The following FAM184B variants were observed in gnomAD, a reference collection of about 807,000 sequenced individuals.
FAM184B encodes the protein protein FAM184B.
In FAM184B, 111 loss-of-function variants were observed where a neutral mutation model predicts 135.9. The ratio of observed to expected loss-of-function variants is 0.82; its 90% CI spans 0.70 to 0.96. The LOEUF (loss-of-function observed/expected upper bound fraction) is 0.96. Ranked by LOEUF, FAM184B falls within the 40% of genes least tolerant of loss-of-function variation. FAM184B has a pLI of 0.00. For missense variants in FAM184B, 1,375 were observed against 1,323.9 expected, an observed-to-expected ratio of 1.04 and a Z score of -0.60; for synonymous variants, 552 against 524.8, an observed-to-expected ratio of 1.05 and a Z score of -0.71.
chr4:17,664,694 A>G, intron 7 of FAM184B, 35 bp from the exon 8 acceptor site: 2 of 1,372,322 alleles, frequency 1.5e-6, no homozygotes, highest in Non-Finnish European at 9.9e-7. Flanking sequence ...AAAAAAAAAA[A>G]GGCAAGATGA....
chr4:17,702,206 T>C (rs1267358842), intron 5 of FAM184B, among the ~76,000 whole-genome samples: 1 of 152,220 alleles, frequency 6.6e-6, no homozygotes, highest in Non-Finnish European at 1.5e-5. Context: ...CTTTTCTGCC[T>C]AAACGCCCAG....
Position 17,633,837 on chromosome 4 carries a change from C to T in FAM184B, c.2941G>A (p.Ala981Thr), listed in dbSNP as rs1433446644. 4 of 1,551,230 alleles carry T rather than the reference C, an allele frequency of 2.6e-6. No homozygotes were observed. Among genetic ancestry groups the T allele is most frequent in the South Asian group, 2.4e-5 (2 of 84,014 alleles). The change falls in exon 17 of 18, where the codon GCC becomes ACC. Residue 981 changes from alanine to threonine, a missense_variant. Coordinates refer to ENST00000265018, the MANE Select transcript of FAM184B (RefSeq NM_015688.2). ...PSRVVSVPNL[A>T]SYAKNFLSGD... ...CTCAGAAAGTTCTTTGCATAGGAGGCGAGGTTCGGCACGCTGACCACGCGG... is the reference window on the plus strand; with the variant it reads ...CTCAGAAAGTTCTTTGCATAGGAGGTGAGGTTCGGCACGCTGACCACGCGG...
Position 17,665,026 on chromosome 4 carries a change from C to G in FAM184B, c.1597-367G>C, listed in dbSNP as rs12509295. Among the ~76,000 whole-genome samples the G allele has an allele frequency of 9.3e-3, 1,411 of 152,298 alleles. 26 individuals are homozygous for G. The highest frequency in any genetic ancestry group is 0.032 in the African/African-American group (1,338 of 41,560). On this transcript the variant is annotated intron_variant, in intron 7 of 17. Transcript: ENST00000265018. ...GGATAATAGGACCCTGGGGACTGAA[C>G]TCTTGACCACTTCCTGGTATGGTTC...
In FAM184B at chr4:17,738,773, GCT is replaced by G. The variant is rs375309871; in HGVS notation, c.142-29131_142-29130del. Among the ~76,000 whole-genome samples, 26 of 152,220 alleles carry G rather than the reference GCT, an allele frequency of 1.7e-4. No individual in the cohort carries two copies. The East Asian group carries it at 2.9e-3, about 17-fold the overall frequency. On this transcript the variant is annotated intron_variant, in intron 1 of 17. Coordinates refer to ENST00000265018, the MANE Select transcript of FAM184B (RefSeq NM_015688.2). Reference sequence around the variant, plus strand: ...TGGGGGTGTTTGGGTCATGGGAGTGGCTCACTTATGAATGGATTAATACCCCA... The same window carrying G: ...TGGGGGTGTTTGGGTCATGGGAGTGGCACTTATGAATGGATTAATACCCCA...
chr4:17,771,179 C>T (rs1186356564), intron 1 of FAM184B, among the ~76,000 whole-genome samples: 1 of 152,146 alleles, frequency 6.6e-6, no homozygotes, highest in Non-Finnish European at 1.5e-5. Context: ...AGACCATTTT[C>T]CACAGCAGCT....
rs187581369 is a variant in FAM184B, at chr4:17,756,380, T to C, written c.141+24779A>G. 3.5e-3 allele frequency among the ~76,000 whole-genome samples: 538 copies of C among 152,316 alleles called. 3 individuals are homozygous for C. The highest frequency in any genetic ancestry group is 0.011 in the Admixed American group (161 of 15,292). On this transcript the variant is annotated intron_variant, in intron 1 of 17. Coordinates refer to ENST00000265018, the MANE Select transcript of FAM184B (RefSeq NM_015688.2). ...CAAAAAGAATAATAACTGCAATGGA[T>C]TGAAACATATGAAATATTATGTCAT...
chr4:17,730,125 C>G (rs184424851), intron 1 of FAM184B, among the ~76,000 whole-genome samples: 1 of 152,166 alleles, frequency 6.6e-6, no homozygotes, highest in African/African-American at 2.4e-5. Context: ...AATGCAGAAG[C>G]CCCAGGAGCC....
At chr4:17,641,892 T>G (rs905020753) in intron 13 of FAM184B, among the ~76,000 whole-genome samples, 164 bp downstream of exon 13, 6 of 151,948 alleles carry the variant, frequency 3.9e-5, no homozygotes, top group African/African-American at 1.4e-4. Flanking sequence ...AGGAGTAACA[T>G]CTGTGAAATG....
chr4:17,757,438 T>C (rs181273270), intron 1 of FAM184B, among the ~76,000 whole-genome samples: 23 of 152,280 alleles, frequency 1.5e-4, no homozygotes, highest in African/African-American at 5.1e-4. Context: ...AAAATTTGGG[T>C]TAAATATGAA....
intron 11 of FAM184B, 90 bp downstream of exon 11, chr4:17,652,740 C>A: frequency 6.9e-7 from 1 of 1,446,880 alleles, no homozygotes; most frequent in Non-Finnish European, 9.3e-7. Context: ...CCCGAGAACC[C>A]TGGAGCCCTG....
At chr4:17,689,734 C>A (rs1560177099) in intron 6 of FAM184B, among the ~76,000 whole-genome samples, 1 of 152,088 alleles carries the variant, frequency 6.6e-6, no homozygotes, top group African/African-American at 2.4e-5. Context: ...CCTCCCACCT[C>A]AGCCTCCCAA....
At position 17,764,617 on chromosome 4, in the gene FAM184B, G is replaced by A. The variant is rs897231300; in HGVS notation, c.141+16542C>T. ...TTCTTGTCCTCAAAAGTTTAACAGC[G>A]AAAAGTCCAACTCATTTTATTGAAT... On this transcript the variant is annotated intron_variant, in intron 1 of 17. Transcript: ENST00000265018. Among the ~76,000 whole-genome samples the A allele has an allele frequency of 2.0e-4, 31 of 152,298 alleles. No individual in the cohort carries two copies. In the East Asian group the frequency reaches 2.3e-3, roughly 11 times the overall value.
Position 17,718,409 on chromosome 4 carries a change from A to G in FAM184B, c.142-8765T>C, listed in dbSNP as rs149879802. On this transcript the variant is annotated intron_variant, in intron 1 of 17. Transcript: ENST00000265018. ...TTGCAGCATTTCCTATATGCCTGGC[A>G]TGATACTAGGCATGGGAAAAACAGA... is the stretch of plus-strand genomic sequence containing the variant. Among the ~76,000 whole-genome samples, 18 of 152,326 alleles carry G rather than the reference A, an allele frequency of 1.2e-4. No homozygotes were observed. In the East Asian group the frequency reaches 3.1e-3, roughly 26 times the overall value.
chr4:17,729,762 T>C (rs1717731901), intron 1 of FAM184B, among the ~76,000 whole-genome samples: 1 of 152,162 alleles, frequency 6.6e-6, no homozygotes, highest in Admixed American at 6.5e-5. Context: ...AAAACCCTTC[T>C]GTACGTCACC....
intron 7 of FAM184B, among the ~76,000 whole-genome samples, chr4:17,681,765 G>C (rs114023783): frequency 0.016 from 2,484 of 152,150 alleles, 79 homozygotes; most frequent in African/African-American, 0.057. Context: ...GCTTGCCTTG[G>C]GCTGCTTCCC....
Position 17,720,883 on chromosome 4 carries a change from T to TA in FAM184B, c.142-11240dup, listed in dbSNP as rs59409749. Among the ~76,000 whole-genome samples the TA allele has an allele frequency of 7.9e-3, 788 of 100,270 alleles. 6 individuals carry two copies. Among genetic ancestry groups the TA allele is most frequent in the African/African-American group, 0.027 (714 of 26,392 alleles). The allele number at this position is 100,270 out of a possible 152,430, so 65.8% of individuals were successfully genotyped here. Reference sequence around the variant, plus strand: ...CCTGGTGACAGAGAAAGACTTCATCTAAAAAAAAAAAAAAAAAAAGAAAGA... The same window carrying TA: ...CCTGGTGACAGAGAAAGACTTCATCTAAAAAAAAAAAAAAAAAAAAGAAAGA... On this transcript the variant is annotated intron_variant, in intron 1 of 17. Transcript: ENST00000265018.
intron 1 of FAM184B, among the ~76,000 whole-genome samples, chr4:17,768,433 C>G (rs1233089892): frequency 7.2e-5 from 11 of 152,190 alleles, no homozygotes. Flanking sequence ...CCCCGCCACG[C>G]CCAGCTAATT....
intron 1 of FAM184B, among the ~76,000 whole-genome samples, chr4:17,737,307 T>C (rs1158705352): frequency 6.6e-6 from 1 of 152,066 alleles, no homozygotes; most frequent in Non-Finnish European, 1.5e-5. Flanking sequence ...CTGGTCAATG[T>C]CCTTCATCTC....
At chr4:17,651,049 TAAG>T (rs1438344670) in intron 11 of FAM184B, among the ~76,000 whole-genome samples, 1 of 152,122 alleles carries the variant, frequency 6.6e-6, no homozygotes, top group African/African-American at 2.4e-5. Context: ...AGAAATCTCT[TAAG>T]GAGAGCCCTG....
Sources: allele counts gnomAD v4.1 joint callset (sites outside exome capture counted in the v4.1 genomes callset), GRCh38; gene constraint gnomAD v4.1.1; transcripts MANE v1.5; gene names NCBI Gene and HGNC (gene_info 2026-07-23, HGNC 2026-07-21).